KLHL4: variants seen among roughly 807,000 people sequenced by gnomAD.
KLHL4 encodes the protein kelch-like protein 4.
Under a neutral mutation model 45.8 loss-of-function variants are expected in KLHL4, and 17 were observed. The observed-to-expected ratio is 0.37, with a 90% CI of 0.25 to 0.56. KLHL4 has a LOEUF of 0.56. Among genes scored for constraint, KLHL4 ranks in the 20% least tolerant of loss-of-function variants. The pLI, the probability that KLHL4 is intolerant of heterozygous loss-of-function variation, is 0.79. For missense variants in KLHL4, 544 were observed against 544.9 expected, an observed-to-expected ratio of 1.00 and a Z score of 0.02; for synonymous variants, 224 against 189.9, an observed-to-expected ratio of 1.18 and a Z score of -1.47.
intron 1 of KLHL4, among the ~76,000 whole-genome samples, chrX:87,541,492 C>CAA (rs34665491): frequency 1.4e-4 from 6 of 44,258 alleles, no homozygotes; most frequent in African/African-American, 1.9e-4. Flanking sequence ...CTCCATCTCA[C>CAA]AAAAAAAAAA....
chrX:87,557,869 G>T (rs986139167), intron 1 of KLHL4, among the ~76,000 whole-genome samples: 2 of 111,419 alleles, frequency 1.8e-5, no homozygotes, highest in East Asian at 5.7e-4. Context: ...GTGCCGTAAG[G>T]GATCATGCCC....
At chrX:87,530,146 T>C (rs767151212) in intron 1 of KLHL4, among the ~76,000 whole-genome samples, 152 of 111,252 alleles carry the variant, frequency 1.4e-3, no homozygotes, top group African/African-American at 4.6e-3. Flanking sequence ...ATTTGTCAAT[T>C]TTGTCTTTTG....
Position 87,589,970 on chromosome X carries a change from G to A in KLHL4, c.423-23907G>A, listed in dbSNP as rs760699714. On this transcript the variant is annotated intron_variant, in intron 1 of 10. Coordinates refer to ENST00000373119, the MANE Select transcript of KLHL4 (RefSeq NM_019117.5). ...GAAGAATCACTTAAACCCAGGAGGCGGAGGTTGCGGTGAGCCAAGATAGTG... is the reference window on the plus strand; with the variant it reads ...GAAGAATCACTTAAACCCAGGAGGCAGAGGTTGCGGTGAGCCAAGATAGTG... Among the ~76,000 whole-genome samples, 474 of 108,614 alleles carry A rather than the reference G, an allele frequency of 4.4e-3. 2 individuals are homozygous for A. Among genetic ancestry groups the A allele is most frequent in the African/African-American group, 0.011 (329 of 29,686 alleles). 94.3% of individuals were successfully genotyped at this position (108,614 alleles called of 115,157 possible). A position where few individuals can be genotyped will look rare whatever the true frequency, so the allele number is the denominator to read the frequency against.
At chrX:87,578,615 A>C (rs1921169548) in intron 1 of KLHL4, among the ~76,000 whole-genome samples, 1 of 112,550 alleles carries the variant, frequency 8.9e-6, no homozygotes, top group African/African-American at 3.2e-5. Flanking sequence ...GAAAAGCAAT[A>C]TTAATTTATC....
chrX:87,530,730 T>G, intron 1 of KLHL4, among the ~76,000 whole-genome samples: 1 of 102,117 alleles, frequency 9.8e-6, no homozygotes, highest in Non-Finnish European at 2.0e-5. Context: ...GCAATAAACA[T>G]ACGTGTGCAT....
At chrX:87,557,139 C>G (rs1931996501) in intron 1 of KLHL4, among the ~76,000 whole-genome samples, 1 of 111,962 alleles carries the variant, frequency 8.9e-6, no homozygotes, top group African/African-American at 3.2e-5. Context: ...TAAACTGTGA[C>G]TGAAAAGCAG....
intron 1 of KLHL4, among the ~76,000 whole-genome samples, chrX:87,561,924 G>C (rs779269989): frequency 1.7e-4 from 19 of 109,752 alleles, no homozygotes; most frequent in Admixed American, 4.0e-4. Flanking sequence ...ACTCCAAGGG[G>C]AAGGACCCAG....
chrX:87,543,713 G>T lies in KLHL4; in HGVS notation c.422+25398G>T, dbSNP rs1040451668. Among the ~76,000 whole-genome samples the T allele has an allele frequency of 4.5e-5, 5 of 111,228 alleles. No individual in the cohort carries two copies. In the South Asian group the frequency reaches 1.9e-3, roughly 43 times the overall value. ...ATCAGTCCCAGGGGTCTGAACTAGG[G>T]TCCACAAACATTGCCACAAAGAGCC... On this transcript the variant is annotated intron_variant, in intron 1 of 10. Coordinates refer to ENST00000373119, the MANE Select transcript of KLHL4 (RefSeq NM_019117.5).
chrX:87,642,228 A>T (rs1353215467), intron 9 of KLHL4, among the ~76,000 whole-genome samples: 1 of 110,490 alleles, frequency 9.1e-6, no homozygotes, highest in Non-Finnish European at 1.9e-5. Flanking sequence ...CTGTGCAGAC[A>T]CCCCCCAGTA....
chrX:87,597,415 AGGTATTAATACCACTTTAAAGT>A (rs1921870559), intron 1 of KLHL4, among the ~76,000 whole-genome samples: 1 of 111,708 alleles, frequency 9.0e-6, no homozygotes, highest in Non-Finnish European at 1.9e-5. Flanking sequence ...TAGGTGGCAC[AGGTATTAATACCACTTTAAAGT>A]GGTTTTCTGG....
At chrX:87,617,885 T>C in intron 3 of KLHL4, 47 bp from the exon 4 acceptor site, 2 of 1,072,403 alleles carry the variant, frequency 1.9e-6, no homozygotes, top group East Asian at 6.1e-5. Context: ...ACGTAGTTTT[T>C]ACTTTATGGA....
At chrX:87,662,651 T>C (rs1027577554) in intron 9 of KLHL4, among the ~76,000 whole-genome samples, 4 of 111,155 alleles carry the variant, frequency 3.6e-5, no homozygotes, top group Admixed American at 9.6e-5. Context: ...TTAAAGGGGC[T>C]GGGCGCAGTG....
chrX:87,561,079 A>C (rs1420026129), intron 1 of KLHL4, among the ~76,000 whole-genome samples: 1 of 111,669 alleles, frequency 9.0e-6, no homozygotes, highest in Non-Finnish European at 1.9e-5. Context: ...CTGATTCAGG[A>C]CATTGGTGTT....
At chrX:87,623,533 C>T (rs1422538793) in intron 5 of KLHL4, among the ~76,000 whole-genome samples, 2 of 110,142 alleles carry the variant, frequency 1.8e-5, no homozygotes, top group African/African-American at 6.6e-5. Flanking sequence ...ACCTTGTGAT[C>T]CACCTGCCTC....
rs2147846332 is a variant in KLHL4, at chrX:87,667,116, C to G, written c.*582C>G. On this transcript the variant is annotated 3_prime_UTR_variant, in exon 11 of 11. Transcript: ENST00000373119. ...AAAAAATAATGGCTCTTTGACAAAA[C>G]TTGTTATGTTGATCGCGGTATGTCA... 1 of 751,941 alleles carries G rather than the reference C, an allele frequency of 1.3e-6. No individual in the cohort carries two copies. The highest frequency in any genetic ancestry group is 1.6e-6 in the Non-Finnish European group (1 of 637,641). The allele number at this position is 751,941 out of a possible 1,213,427, so 62.0% of individuals were successfully genotyped here.
At chrX:87,639,004 T>A (rs1038017376) in intron 9 of KLHL4, among the ~76,000 whole-genome samples, 1 of 110,511 alleles carries the variant, frequency 9.0e-6, no homozygotes, top group Admixed American at 9.7e-5. Flanking sequence ...GGAAAAAAGA[T>A]AGTCCGTGAA....
intron 9 of KLHL4, among the ~76,000 whole-genome samples, chrX:87,644,752 A>C (rs7057812): frequency 2.7e-5 from 3 of 110,915 alleles, no homozygotes; most frequent in African/African-American, 9.8e-5. Flanking sequence ...ATAAACTCAA[A>C]TGCAGCCAAC....
intron 9 of KLHL4, among the ~76,000 whole-genome samples, chrX:87,661,461 G>A (rs1359355457): frequency 9.0e-6 from 1 of 110,821 alleles, no homozygotes; most frequent in Non-Finnish European, 1.9e-5. Flanking sequence ...GTGGAATTCT[G>A]TGTTAAAACT....
At chrX:87,569,682 G>A (rs1932291898) in intron 1 of KLHL4, among the ~76,000 whole-genome samples, 1 of 111,509 alleles carries the variant, frequency 9.0e-6, no homozygotes, top group Non-Finnish European at 1.9e-5. Context: ...ACATGGATAA[G>A]CCCTGGAAAC....
Sources: allele counts gnomAD v4.1 joint callset (sites outside exome capture counted in the v4.1 genomes callset), GRCh38; gene constraint gnomAD v4.1.1; transcripts MANE v1.5; gene names NCBI Gene and HGNC (gene_info 2026-07-23, HGNC 2026-07-21).